Variants in TSPEAR observed in about 807,000 individuals in gnomAD.
TSPEAR encodes the protein thrombospondin-type laminin G domain and EAR repeat-containing protein.
Under a neutral mutation model 71.6 loss-of-function variants are expected in TSPEAR, and 69 were observed. The ratio of observed to expected loss-of-function variants is 0.96; its 90% CI spans 0.79 to 1.18. The LOEUF is 1.18. TSPEAR is among the 50% of genes most tolerant of loss of function. The pLI is 0.00. For missense variants in TSPEAR, 971 were observed against 894.9 expected (o/e 1.09, Z -1.09); for synonymous variants, 402 against 387.2 (o/e 1.04, Z -0.45).
At chr21:44,627,961 CAG>C (rs1982979913) in intron 1 of TSPEAR, 2 of 1,517,336 alleles carry the variant, frequency 1.3e-6, no homozygotes, top group Non-Finnish European at 1.8e-6. Context: ...CTATTGCCGC[CAG>C]GCCTCCTGTG....
intron 2 of TSPEAR, among the ~76,000 whole-genome samples, chr21:44,562,461 C>A (rs1292292890): frequency 6.6e-6 from 1 of 152,166 alleles, no homozygotes; most frequent in African/African-American, 2.4e-5. Context: ...TGACATTCTT[C>A]ACAGAATTAG....
intron 1 of TSPEAR, chr21:44,682,299 A>G: frequency 2.7e-6 from 2 of 748,656 alleles, no homozygotes; most frequent in East Asian, 5.4e-5. Flanking sequence ...TCTGTCGTAG[A>G]TGATGTTTTT....
At chr21:44,562,841 C>T (rs1304808881) in intron 2 of TSPEAR, among the ~76,000 whole-genome samples, 1 of 152,146 alleles carries the variant, frequency 6.6e-6, no homozygotes, top group Non-Finnish European at 1.5e-5. Context: ...CTATTACCTG[C>T]AGATGCATCT....
chr21:44,582,881 G>T (rs1979088519), intron 1 of TSPEAR, among the ~76,000 whole-genome samples: 1 of 150,862 alleles, frequency 6.6e-6, no homozygotes, highest in Non-Finnish European at 1.5e-5. Flanking sequence ...TGTCACCCAG[G>T]CTGGAGTGCA....
rs909475342 is a variant in TSPEAR, at chr21:44,593,741, G to A, written c.83-25736C>T. The stretch of plus-strand genomic sequence containing the variant: ...GGCCGCGCCAGGCAAGGGACAAGCC[G>A]CGTGCCCTACACTGAGAGGACGGAC... On this transcript the variant is annotated intron_variant, in intron 1 of 11. Transcript: ENST00000323084. This position sits in a 1 kb window ranked among gnomAD's most constrained non-coding sequence, Gnocchi z 5.9. 3.3e-5 allele frequency among the ~76,000 whole-genome samples: 5 copies of A among 152,168 alleles called. No homozygotes were observed. The highest frequency in any genetic ancestry group is 5.9e-5 in the Non-Finnish European group (4 of 68,026).
rs1406514070 is a variant in TSPEAR at position 44,652,262 on chromosome 21, C to T, written c.82+59171G>A. On this transcript the variant is annotated intron_variant, in intron 1 of 11. Transcript: ENST00000323084. ...CCTCCCAGAGTGCTGGGATGACAGG[C>T]GTGAGCCACCGCACCGGGCCCCATT... Among the ~76,000 whole-genome samples, 3 of 152,146 alleles carry T rather than the reference C, an allele frequency of 2.0e-5. No homozygotes were observed. The South Asian group carries it at 6.2e-4, about 32-fold the overall frequency.
chr21:44,648,942 G>A (rs1217428516), intron 1 of TSPEAR, among the ~76,000 whole-genome samples: 5 of 152,332 alleles, frequency 3.3e-5, no homozygotes, highest in South Asian at 2.1e-4. Context: ...CCTTGTGAAC[G>A]TGCGTGAAGG....
chr21:44,680,629 G>C (rs1025456498), intron 1 of TSPEAR, among the ~76,000 whole-genome samples: 1 of 152,278 alleles, frequency 6.6e-6, no homozygotes, highest in African/African-American at 2.4e-5. Flanking sequence ...CCAAGATACA[G>C]ATTCAACCTA....
intron 2 of TSPEAR, among the ~76,000 whole-genome samples, chr21:44,559,489 A>G (rs930475826): frequency 2.6e-5 from 4 of 152,142 alleles, no homozygotes; most frequent in Non-Finnish European, 4.4e-5. Context: ...GGTGGTGTGC[A>G]CAATAGTGTT....
intron 1 of TSPEAR, among the ~76,000 whole-genome samples, chr21:44,576,975 A>C (rs1555924071): frequency 6.6e-6 from 1 of 152,242 alleles, no homozygotes; most frequent in Non-Finnish European, 1.5e-5. Context: ...ATTGGAAATC[A>C]TTAACAGAAA....
chr21:44,503,933 C>T (rs1312864486), intron 11 of TSPEAR, among the ~76,000 whole-genome samples: 7 of 72,034 alleles, frequency 9.7e-5, no homozygotes, highest in African/African-American at 2.5e-4. Context: ...GAGCCCTCGG[C>T]GGGAAGCAAG....
At chr21:44,613,540 C>T (rs371990081) in intron 1 of TSPEAR, among the ~76,000 whole-genome samples, 35 of 152,308 alleles carry the variant, frequency 2.3e-4, no homozygotes, top group South Asian at 1.0e-3. Flanking sequence ...GCCTGGGTTC[C>T]GGGCACTGCA....
intron 1 of TSPEAR, among the ~76,000 whole-genome samples, chr21:44,629,638 G>T (rs1310932892): frequency 1.3e-5 from 2 of 152,262 alleles, no homozygotes; most frequent in Admixed American, 1.3e-4. Context: ...AAGATCCCCA[G>T]TGGGGCCTGG....
intron 1 of TSPEAR, chr21:44,702,444 C>A (rs543825308): frequency 1.4e-5 from 22 of 1,609,754 alleles, no homozygotes; most frequent in African/African-American, 4.0e-5. Flanking sequence ...CTTGCTGCAC[C>A]TCCTCCCCAA....
chr21:44,689,714 T>TAC lies in TSPEAR; in HGVS notation c.82+21718_82+21719insGT, dbSNP rs1843421695. Among the ~76,000 whole-genome samples, 3 of 81,700 alleles carry TAC rather than the reference T, an allele frequency of 3.7e-5. 1 individual carries two copies. Among genetic ancestry groups the TAC allele is most frequent in the African/African-American group, 1.7e-4 (3 of 17,158 alleles). 53.6% of individuals were successfully genotyped at this position (81,700 alleles called of 152,430 possible). On this transcript the variant is annotated intron_variant, in intron 1 of 11. Transcript: ENST00000323084. ...CCTTAGAGGGACAGAATAGAATGAA[T>TAC]ATATATATATATATATATATATATA... is the stretch of plus-strand genomic sequence containing the variant.
intron 8 of TSPEAR, among the ~76,000 whole-genome samples, chr21:44,525,154 T>G (rs2052826515): frequency 6.6e-6 from 1 of 151,422 alleles, no homozygotes; most frequent in South Asian, 2.1e-4. Flanking sequence ...AGTCAGGTAG[T>G]TAGTCAGTCA....
At chr21:44,618,606 G>A (rs996004737) in intron 1 of TSPEAR, among the ~76,000 whole-genome samples, 1 of 152,198 alleles carries the variant, frequency 6.6e-6, no homozygotes, top group East Asian at 1.9e-4. Flanking sequence ...CCCCAGCTGG[G>A]TGACAGTCAG....
chr21:44,521,953 G>A lies in TSPEAR; in HGVS notation c.1496C>T (p.Thr499Ile), dbSNP rs2052742932. 6.2e-7 allele frequency: 1 copy of A among 1,614,132 alleles called. No homozygotes were observed. Among genetic ancestry groups the A allele is most frequent in the Non-Finnish European group, 8.5e-7 (1 of 1,180,010 alleles). Residue 499 changes from threonine to isoleucine, a missense_variant, in exon 9 of 12, where the codon ACC becomes ATC. Physicochemically the swap from Thr to Ile is moderately conservative, Grantham distance 89. Coordinates refer to ENST00000323084, the MANE Select transcript of TSPEAR (RefSeq NM_144991.3). ...FLVVANTFNG[T>I]STKVHSHLYI... ...GAGGTGCGAGTGCACCTTGGTGGAG[G>A]TGCCGTTGAAGGTGTTGGCCACCAC...
At chr21:44,513,589 G>A (rs1388362556) in intron 9 of TSPEAR, among the ~76,000 whole-genome samples, 1 of 152,214 alleles carries the variant, frequency 6.6e-6, no homozygotes, top group East Asian at 1.9e-4. Flanking sequence ...GGAGCATCTT[G>A]CTGGGATGAT....
Sources: allele counts gnomAD v4.1 joint callset (sites outside exome capture counted in the v4.1 genomes callset), GRCh38; gene constraint gnomAD v4.1.1; non-coding constraint Gnocchi (gnomAD v3.1); transcripts MANE v1.5; gene names NCBI Gene and HGNC (gene_info 2026-07-23, HGNC 2026-07-21).